CDH6: variants seen among roughly 807,000 people sequenced by gnomAD.
The protein encoded by CDH6 is cadherin-6.
Under a neutral mutation model 78.0 loss-of-function variants are expected in CDH6, and 31 were observed. The ratio of observed to expected loss-of-function variants is 0.40; its 90% confidence interval spans 0.30 to 0.54. The LOEUF is 0.54. Ranked by LOEUF, CDH6 falls within the 20% of genes least tolerant of loss-of-function variation. The probability of loss-of-function intolerance (pLI) is 0.56; values close to 1 mark genes in which losing one functional copy is unlikely to be tolerated. For missense variants in CDH6, 724 were observed against 975.9 expected (o/e 0.74, Z 3.44); for synonymous variants, 376 against 368.8 (o/e 1.02, Z -0.23).
intron 1 of CDH6, among the ~76,000 whole-genome samples, chr5:31,206,417 T>C (rs1162596896): frequency 1.3e-5 from 2 of 152,282 alleles, no homozygotes; most frequent in African/African-American, 2.4e-5. Flanking sequence ...CAATTAATTA[T>C]AGCCCAAAGC....
At chr5:31,267,788 T>A in intron 2 of CDH6, 87 bp downstream of exon 2, 2 of 943,170 alleles carry the variant, frequency 2.1e-6, no homozygotes, top group Non-Finnish European at 3.3e-6. Flanking sequence ...ATGTGTACTA[T>A]TCCCCAATAT....
chr5:31,229,505 C>G (rs574582704), intron 1 of CDH6, among the ~76,000 whole-genome samples: 1 of 152,180 alleles, frequency 6.6e-6, no homozygotes, highest in Non-Finnish European at 1.5e-5. Context: ...TTGGCTCTTA[C>G]GACTGTATGG....
intron 2 of CDH6, among the ~76,000 whole-genome samples, chr5:31,272,791 C>A (rs1742563341): frequency 6.6e-6 from 1 of 152,158 alleles, no homozygotes; most frequent in South Asian, 2.1e-4. Flanking sequence ...TTTTTAGTAA[C>A]ATGCCAGGAA....
Position 31,325,097 on chromosome 5 carries a change from G to C in CDH6, c.*1789G>C, listed in dbSNP as rs952196974. The C allele has an allele frequency of 1.3e-5, 3 of 222,602 alleles. No individual in the cohort carries two copies. Among genetic ancestry groups the C allele is most frequent in the African/African-American group, 6.7e-5 (3 of 44,680 alleles). 13.8% of individuals were successfully genotyped at this position (222,602 alleles called of 1,614,324 possible). Reference sequence around the variant, plus strand: ...CTGTTGTTTAGTTAAGTTTTAAATAGGTGTATTACCCAAGAAGTAAAGATG... The same window carrying C: ...CTGTTGTTTAGTTAAGTTTTAAATACGTGTATTACCCAAGAAGTAAAGATG... On this transcript the variant is annotated 3_prime_UTR_variant, in exon 12 of 12. Coordinates refer to ENST00000265071, the MANE Select transcript of CDH6 (RefSeq NM_004932.4).
chr5:31,321,546 G>A (rs192227867), intron 11 of CDH6, among the ~76,000 whole-genome samples: 47 of 152,230 alleles, frequency 3.1e-4, no homozygotes, highest in African/African-American at 1.1e-3. Flanking sequence ...ATGAGATTCA[G>A]TATGTTAAGC....
In CDH6 at chr5:31,302,958, G is replaced by GAAAGAAAGAAA. The variant is rs1561066578; in HGVS notation, c.999+660_999+661insAAAGAAAGAAA. 1.7e-3 allele frequency among the ~76,000 whole-genome samples: 183 copies of GAAAGAAAGAAA among 106,118 alleles called. 1 individual carries two copies. The highest frequency in any genetic ancestry group is 9.4e-3 in the East Asian group (39 of 4,130). 69.6% of individuals were successfully genotyped at this position (106,118 alleles called of 152,430 possible). A position where few individuals can be genotyped will look rare whatever the true frequency, so the allele number is the denominator to read the frequency against. ...AAGAAAGAAAGAAAGAAAGAAAGAA[G>GAAAGAAAGAAA]GAAAGAAAAGAAAGAAAGAAAGAAA... On this transcript the variant is annotated intron_variant, in intron 6 of 11. Transcript: ENST00000265071.
chr5:31,271,659 G>C (rs1308460741), intron 2 of CDH6, among the ~76,000 whole-genome samples: 1 of 152,174 alleles, frequency 6.6e-6, no homozygotes, highest in African/African-American at 2.4e-5. Context: ...GTGAGTTTAA[G>C]ATATAAAAAC....
At chr5:31,232,288 A>G (rs1741330829) in intron 1 of CDH6, among the ~76,000 whole-genome samples, 1 of 152,206 alleles carries the variant, frequency 6.6e-6, no homozygotes. Flanking sequence ...AATTAAATAC[A>G]TAACTGGAAA....
chr5:31,323,521 A>C lies in CDH6; in HGVS notation c.*213A>C. The C allele has an allele frequency of 1.9e-6, 1 of 532,360 alleles. No individual in the cohort carries two copies. Among genetic ancestry groups the C allele is most frequent in the South Asian group, 2.6e-5 (1 of 38,762 alleles). The allele number at this position is 532,360 out of a possible 1,614,324, so 33.0% of individuals were successfully genotyped here. A position where few individuals can be genotyped will look rare whatever the true frequency, so the allele number is the denominator to read the frequency against. ...TTTTTATTTTTTAGTGCATCCAGTT[A>C]ACCAAGTCAGCCCAACAGGCAGGTG... On this transcript the variant is annotated 3_prime_UTR_variant, in exon 12 of 12. Coordinates refer to ENST00000265071, the MANE Select transcript of CDH6 (RefSeq NM_004932.4).
At chr5:31,317,319 A>G in intron 9 of CDH6, 56 bp from the exon 10 acceptor site, 2 of 834,036 alleles carry the variant, frequency 2.4e-6, no homozygotes, top group Admixed American at 2.2e-5. Context: ...GCAAAACGGT[A>G]AGAAACACTT....
At chr5:31,315,741 A>G (rs142586172) in intron 8 of CDH6, among the ~76,000 whole-genome samples, 1 of 152,332 alleles carries the variant, frequency 6.6e-6, no homozygotes, top group African/African-American at 2.4e-5. Context: ...AGTTTGTGAA[A>G]ATTAAATAAC....
chr5:31,205,761 C>T (rs1438366784), intron 1 of CDH6, among the ~76,000 whole-genome samples: 1 of 151,916 alleles, frequency 6.6e-6, no homozygotes, highest in Non-Finnish European at 1.5e-5. Context: ...CCAAATAATC[C>T]TATATGTTCT....
intron 1 of CDH6, among the ~76,000 whole-genome samples, chr5:31,222,409 C>T (rs923063324): frequency 1.3e-5 from 2 of 152,028 alleles, no homozygotes; most frequent in Non-Finnish European, 2.9e-5. Flanking sequence ...CTCTATTTGT[C>T]ATATGAATCA....
chr5:31,231,651 C>T (rs1338136379), intron 1 of CDH6, among the ~76,000 whole-genome samples: 1 of 152,210 alleles, frequency 6.6e-6, no homozygotes. Context: ...TCAGATCTTT[C>T]TTCCTCTTCT....
At chr5:31,257,225 C>T (rs1237647973) in intron 1 of CDH6, among the ~76,000 whole-genome samples, 1 of 152,152 alleles carries the variant, frequency 6.6e-6, no homozygotes, top group Non-Finnish European at 1.5e-5. Context: ...TGCAGTGGCG[C>T]GATCTCGGCT....
intron 1 of CDH6, among the ~76,000 whole-genome samples, chr5:31,239,694 G>T (rs1304113665): frequency 1.3e-5 from 2 of 152,110 alleles, no homozygotes; most frequent in Non-Finnish European, 2.9e-5. Flanking sequence ...CAGTTTAAAG[G>T]GGGCGCATGT....
At chr5:31,205,713 C>T (rs529202129) in intron 1 of CDH6, among the ~76,000 whole-genome samples, 1 of 152,024 alleles carries the variant, frequency 6.6e-6, no homozygotes, top group Non-Finnish European at 1.5e-5. Context: ...AAAACAATTG[C>T]TTATTTGCTA....
At chr5:31,258,451 C>T (rs978620240) in intron 1 of CDH6, among the ~76,000 whole-genome samples, 5 of 152,004 alleles carry the variant, frequency 3.3e-5, no homozygotes, top group Non-Finnish European at 5.9e-5. Context: ...AACACATGGA[C>T]ACAGGGAAGG....
At chr5:31,199,480 G>T (rs11954537) in intron 1 of CDH6, among the ~76,000 whole-genome samples, 1 of 32,064 alleles carries the variant, frequency 3.1e-5, no homozygotes, top group Non-Finnish European at 8.7e-5. Flanking sequence ...ACACATATGT[G>T]TATATATGTA....
Sources: allele counts gnomAD v4.1 joint callset (sites outside exome capture counted in the v4.1 genomes callset), GRCh38; gene constraint gnomAD v4.1.1; transcripts MANE v1.5; gene names NCBI Gene and HGNC (gene_info 2026-07-23, HGNC 2026-07-21).